The following SSBP3 variants were observed in gnomAD, a reference collection of about 807,000 sequenced individuals.
SSBP3 encodes single-stranded DNA-binding protein 3.
Under a neutral mutation model 69.6 loss-of-function variants are expected in SSBP3, and 5 were observed. The ratio of observed to expected loss-of-function variants is 0.07; its 90% CI spans 0.04 to 0.15. The LOEUF (loss-of-function observed/expected upper bound fraction) is 0.15. SSBP3 is among the 10% of genes least tolerant of loss of function. The pLI is 1.00. For missense variants in SSBP3, 312 were observed against 534.0 expected (o/e 0.58, Z 4.10); for synonymous variants, 196 against 193.4 (o/e 1.01, Z -0.11).
At position 54,386,683 on chromosome 1, in the gene SSBP3, C is replaced by CTTTTTTTTTT. The variant is rs58429798; in HGVS notation, c.276+15168_276+15177dup. Among the ~76,000 whole-genome samples, 678 of 76,050 alleles carry CTTTTTTTTTT rather than the reference C, an allele frequency of 8.9e-3. 136 individuals are homozygous for CTTTTTTTTTT. Among genetic ancestry groups the CTTTTTTTTTT allele is most frequent in the African/African-American group, 0.033 (483 of 14,552 alleles). The allele number at this position is 76,050 out of a possible 152,430, so 49.9% of individuals were successfully genotyped here. A position where few individuals can be genotyped will look rare whatever the true frequency, so the allele number is the denominator to read the frequency against. ...ATCCACAATGTATAAACTGATCCTA[C>CTTTTTTTTTT]TTTTTTTTTTTTTTTTTTTTTAAGA... On this transcript the variant is annotated intron_variant, in intron 4 of 17. Transcript: ENST00000610401.
intron 5 of SSBP3, among the ~76,000 whole-genome samples, chr1:54,263,044 T>C (rs1202299908): frequency 6.6e-6 from 1 of 152,178 alleles, no homozygotes; most frequent in Admixed American, 6.5e-5. Context: ...CTGGGTAGTG[T>C]TCCATCCAGC....
At chr1:54,239,488 C>T (rs1053058656) in intron 13 of SSBP3, among the ~76,000 whole-genome samples, 2 of 152,204 alleles carry the variant, frequency 1.3e-5, no homozygotes, top group Non-Finnish European at 2.9e-5. Flanking sequence ...CAGACACTGC[C>T]TGGGACAACA....
At chr1:54,240,248 C>G (rs1352356117) in intron 13 of SSBP3, among the ~76,000 whole-genome samples, 1 of 151,472 alleles carries the variant, frequency 6.6e-6, no homozygotes, top group Non-Finnish European at 1.5e-5. Flanking sequence ...CACCTGAGGT[C>G]AGGAGTTCAA....
intron 5 of SSBP3, among the ~76,000 whole-genome samples, chr1:54,269,858 C>T (rs114056424): frequency 6.6e-6 from 1 of 152,290 alleles, no homozygotes; most frequent in African/African-American, 2.4e-5. Context: ...TGAAGGGGCA[C>T]CACTGGTAGG....
chr1:54,382,097 G>A (rs746112056), intron 4 of SSBP3, among the ~76,000 whole-genome samples: 1 of 152,228 alleles, frequency 6.6e-6, no homozygotes, highest in African/African-American at 2.4e-5. Context: ...TGGAGGCTTA[G>A]GAAGGAAAAT....
intron 4 of SSBP3, among the ~76,000 whole-genome samples, chr1:54,350,189 T>C (rs938735738): frequency 2.6e-5 from 4 of 152,328 alleles, no homozygotes; most frequent in Admixed American, 6.5e-5. Flanking sequence ...TGCTTCCTTT[T>C]AGGTGGTGAC....
At chr1:54,240,066 G>A (rs1338933947) in intron 13 of SSBP3, among the ~76,000 whole-genome samples, 1 of 25,624 alleles carries the variant, frequency 3.9e-5, no homozygotes, top group African/African-American at 2.2e-4. Context: ...GTGTGTGTGT[G>A]TGTGTGTGTG....
chr1:54,389,539 G>A (rs1444209729), intron 4 of SSBP3, among the ~76,000 whole-genome samples: 2 of 151,838 alleles, frequency 1.3e-5, no homozygotes, highest in African/African-American at 4.8e-5. Context: ...CTGGGCAGGG[G>A]GTCATCAATT....
chr1:54,387,444 A>G (rs1191015412), intron 4 of SSBP3, among the ~76,000 whole-genome samples: 1 of 152,218 alleles, frequency 6.6e-6, no homozygotes, highest in Non-Finnish European at 1.5e-5. Flanking sequence ...CCTACTCTAC[A>G]GAAGGGCCTT....
intron 4 of SSBP3, among the ~76,000 whole-genome samples, chr1:54,371,591 C>G (rs1254519167): frequency 6.6e-6 from 1 of 152,156 alleles, no homozygotes; most frequent in Non-Finnish European, 1.5e-5. Context: ...CCCAAGCTAC[C>G]GCCTCTTCTA....
At chr1:54,234,843 A>G (rs1570200472) in intron 14 of SSBP3, among the ~76,000 whole-genome samples, 1 of 151,548 alleles carries the variant, frequency 6.6e-6, no homozygotes, top group Admixed American at 6.6e-5. Flanking sequence ...GGCTCACTGC[A>G]GCCTTAAATT....
rs920045442 is a variant in SSBP3 at position 54,284,769 on chromosome 1, T to TA, written c.277-3243dup. Among the ~76,000 whole-genome samples, 89 of 149,886 alleles carry TA rather than the reference T, an allele frequency of 5.9e-4. 1 individual carries two copies. The highest frequency in any genetic ancestry group is 3.4e-3 in the Middle Eastern group (1 of 292). On this transcript the variant is annotated intron_variant, in intron 4 of 17. Coordinates refer to ENST00000610401, the Ensembl canonical transcript of SSBP3. ...CAGGTGTGAACCATCGTGTCTGGCC[T>TA]AAAAAAAAAATTAAATGAAAACTTG...
chr1:54,357,408 T>A (rs931750270), intron 4 of SSBP3, among the ~76,000 whole-genome samples: 3 of 151,910 alleles, frequency 2.0e-5, no homozygotes, highest in African/African-American at 4.8e-5. Flanking sequence ...GGGTGGGCAG[T>A]GCTTCAGTAA....
intron 4 of SSBP3, among the ~76,000 whole-genome samples, chr1:54,295,275 G>C (rs1020827388): frequency 2.0e-5 from 3 of 152,186 alleles, no homozygotes; most frequent in African/African-American, 7.2e-5. Context: ...GCCCCTAACA[G>C]ATCAAGTCTC....
intron 9 of SSBP3, among the ~76,000 whole-genome samples, chr1:54,249,514 G>A (rs1448905380): frequency 2.6e-5 from 4 of 152,016 alleles, no homozygotes; most frequent in African/African-American, 9.7e-5. Flanking sequence ...GGGCAACATG[G>A]CAAGACCCTG....
At chr1:54,382,929 G>T (rs1647766218) in intron 4 of SSBP3, among the ~76,000 whole-genome samples, 1 of 141,586 alleles carries the variant, frequency 7.1e-6, no homozygotes, top group Admixed American at 7.5e-5. Context: ...AGGCTGCGGT[G>T]AGCCGAGATC....
upstream of SSBP3, among the ~76,000 whole-genome samples, chr1:54,409,059 A>T (rs945246816): frequency 6.6e-6 from 1 of 152,138 alleles, no homozygotes. Flanking sequence ...TGGCACAATT[A>T]TCCAAAATGT....
chr1:54,274,291 A>C (rs920714845), intron 5 of SSBP3, among the ~76,000 whole-genome samples: 1 of 152,186 alleles, frequency 6.6e-6, no homozygotes, highest in African/African-American at 2.4e-5. Context: ...TCATCTATAC[A>C]GTGGGAATGC....
intron 4 of SSBP3, among the ~76,000 whole-genome samples, chr1:54,301,687 G>C (rs1490479373): frequency 6.6e-6 from 1 of 152,200 alleles, no homozygotes; most frequent in Non-Finnish European, 1.5e-5. Context: ...AACCCAAACA[G>C]AACTAATCCA....
Sources: gnomAD v4.1 joint callset for allele counts (sites outside exome capture counted in the v4.1 genomes callset) on GRCh38, gnomAD v4.1.1 for gene constraint, MANE v1.5 for transcripts, NCBI Gene and HGNC (gene_info 2026-07-23, HGNC 2026-07-21) for gene names.